The following MLLT10 variants were observed in gnomAD, a reference collection of about 807,000 sequenced individuals.
MLLT10 encodes the protein MLLT10 histone lysine methyltransferase DOT1L cofactor, also known as protein AF-10.
Under a neutral mutation model 129.1 loss-of-function variants are expected in MLLT10, and 30 were observed. That is an observed-to-expected ratio of 0.23 (90% CI 0.17 to 0.32). The LOEUF is 0.32. Ranked by LOEUF, MLLT10 falls within the 10% of genes least tolerant of loss-of-function variation. The pLI, the probability that MLLT10 is intolerant of heterozygous loss-of-function variation, is 1.00. For missense variants in MLLT10, 1,119 were observed against 1,268.3 expected, an observed-to-expected ratio of 0.88 and a Z score of 1.79; for synonymous variants, 490 against 446.4, an observed-to-expected ratio of 1.10 and a Z score of -1.23.
At chr10:21,729,568 A>G (rs1447917889) in intron 16 of MLLT10, among the ~76,000 whole-genome samples, 12 of 152,308 alleles carry the variant, frequency 7.9e-5, no homozygotes, top group Admixed American at 7.8e-4. Context: ...GCAGAGACGC[A>G]TATTAAGGCA....
At chr10:21,671,981 C>G (rs2051466653) in intron 10 of MLLT10, among the ~76,000 whole-genome samples, 1 of 152,038 alleles carries the variant, frequency 6.6e-6, no homozygotes, top group Non-Finnish European at 1.5e-5. Flanking sequence ...AAACCAAAAA[C>G]AAACAATAAA....
At chr10:21,668,780 A>T (rs1040465678) in intron 9 of MLLT10, 7 of 330,060 alleles carry the variant, frequency 2.1e-5, no homozygotes, top group African/African-American at 1.6e-4. Context: ...GTAGATTGTC[A>T]TGTGGAAGTG....
At chr10:21,708,075 A>G (rs1314882388) in intron 13 of MLLT10, among the ~76,000 whole-genome samples, 1 of 152,098 alleles carries the variant, frequency 6.6e-6, no homozygotes, top group Non-Finnish European at 1.5e-5. Flanking sequence ...TAAATTGTAA[A>G]TTCCCAGAGA....
At chr10:21,612,062 G>T (rs1319573560) in intron 5 of MLLT10, among the ~76,000 whole-genome samples, 2 of 152,134 alleles carry the variant, frequency 1.3e-5, no homozygotes, top group South Asian at 2.1e-4. Flanking sequence ...GTCCTGGCCC[G>T]CCAGCCTCAG....
At chr10:21,723,874 C>T (rs2057301092) in intron 14 of MLLT10, among the ~76,000 whole-genome samples, 2 of 152,178 alleles carry the variant, frequency 1.3e-5, no homozygotes, top group Admixed American at 1.3e-4. Flanking sequence ...GAGACGTCAA[C>T]AGATGGGACT....
intron 14 of MLLT10, among the ~76,000 whole-genome samples, chr10:21,722,530 C>A (rs1021604592): frequency 3.3e-5 from 5 of 152,094 alleles, no homozygotes; most frequent in East Asian, 1.9e-4. Flanking sequence ...TGCTTCATAA[C>A]CCTTATTTCT....
intron 8 of MLLT10, among the ~76,000 whole-genome samples, chr10:21,635,689 A>G (rs1408421852): frequency 2.0e-5 from 3 of 151,044 alleles, no homozygotes; most frequent in East Asian, 3.9e-4. Flanking sequence ...AGGATGAGAA[A>G]CTATGTTGCT....
At chr10:21,659,445 G>A (rs2049945769) in intron 9 of MLLT10, among the ~76,000 whole-genome samples, 1 of 151,868 alleles carries the variant, frequency 6.6e-6, no homozygotes, top group Non-Finnish European at 1.5e-5. Flanking sequence ...GCAATTCAGT[G>A]GTTCGTTGGT....
intron 3 of MLLT10, among the ~76,000 whole-genome samples, chr10:21,565,781 T>C (rs1195256575): frequency 6.6e-6 from 1 of 151,576 alleles, no homozygotes; most frequent in African/African-American, 2.4e-5. Context: ...GATTTTTTTA[T>C]TATTTGTAGG....
rs186134374 is a variant in MLLT10 at position 21,639,657 on chromosome 10, A to T, written c.700-12016A>T. Among the ~76,000 whole-genome samples, 46 of 152,148 alleles carry T rather than the reference A, an allele frequency of 3.0e-4. 1 individual carries two copies. In the East Asian group the frequency reaches 7.9e-3, roughly 26 times the overall value. On this transcript the variant is annotated intron_variant, in intron 8 of 22. Coordinates refer to ENST00000307729, the MANE Select transcript of MLLT10 (RefSeq NM_001195626.3). The stretch of plus-strand genomic sequence containing the variant: ...GACACCTGTGTAGAAATGTGATTGG[A>T]CAAAGGTATGATCGAACACTAATAG...
intron 4 of MLLT10, among the ~76,000 whole-genome samples, chr10:21,586,689 C>G (rs1048314479): frequency 2.6e-5 from 4 of 151,850 alleles, no homozygotes; most frequent in Admixed American, 2.6e-4. Context: ...GGAGTCGAGA[C>G]CAGCCTGGCC....
At chr10:21,709,956 C>T (rs1299504296) in intron 13 of MLLT10, among the ~76,000 whole-genome samples, 1 of 152,092 alleles carries the variant, frequency 6.6e-6, no homozygotes, top group Non-Finnish European at 1.5e-5. Flanking sequence ...ACCATGTTGC[C>T]CAGGCTGGTC....
intron 14 of MLLT10, among the ~76,000 whole-genome samples, chr10:21,718,312 C>A (rs1005306534): frequency 6.6e-6 from 1 of 152,118 alleles, no homozygotes; most frequent in Admixed American, 6.5e-5. Context: ...GAGCGGACTC[C>A]TGTCCATGTG....
chr10:21,671,977 AAAAC>A (rs1310117872), intron 10 of MLLT10, among the ~76,000 whole-genome samples: 3 of 152,158 alleles, frequency 2.0e-5, no homozygotes, highest in Non-Finnish European at 2.9e-5. Context: ...CAAAAAACCA[AAAAC>A]AAACAATAAA....
At chr10:21,570,667 T>C (rs530878732) in intron 3 of MLLT10, among the ~76,000 whole-genome samples, 1 of 152,060 alleles carries the variant, frequency 6.6e-6, no homozygotes, top group Non-Finnish European at 1.5e-5. Context: ...TCTTAGACTT[T>C]GTAATTTTCA....
chr10:21,674,485 G>T (rs1485382537), intron 11 of MLLT10, among the ~76,000 whole-genome samples: 6 of 152,194 alleles, frequency 3.9e-5, no homozygotes, highest in African/African-American at 1.4e-4. Flanking sequence ...ATTTAATTGT[G>T]TTTTCAAATA....
chr10:21,579,747 G>A (rs2041193647), intron 3 of MLLT10, among the ~76,000 whole-genome samples: 1 of 151,546 alleles, frequency 6.6e-6, no homozygotes, highest in Non-Finnish European at 1.5e-5. Flanking sequence ...TTTTTTAGTA[G>A]AGACGGGGTT....
chr10:21,629,280 T>A (rs1157693517), intron 8 of MLLT10, among the ~76,000 whole-genome samples: 1 of 152,220 alleles, frequency 6.6e-6, no homozygotes, highest in Non-Finnish European at 1.5e-5. Flanking sequence ...TCTTATTTAT[T>A]TTTTTAATTT....
At chr10:21,553,936 C>T (rs897532729) in intron 3 of MLLT10, among the ~76,000 whole-genome samples, 1 of 152,144 alleles carries the variant, frequency 6.6e-6, no homozygotes, top group Admixed American at 6.5e-5. Flanking sequence ...AGGCATGAGC[C>T]GCTGCACCCA....
Sources: gnomAD v4.1 joint callset for allele counts (sites outside exome capture counted in the v4.1 genomes callset) on GRCh38, gnomAD v4.1.1 for gene constraint, MANE v1.5 for transcripts, NCBI Gene and HGNC (gene_info 2026-07-23, HGNC 2026-07-21) for gene names.